Variants in NEGR1 observed in about 807,000 individuals in gnomAD.
NEGR1 encodes neuronal growth regulator 1, also known as IgLON family member 4.
A neutral mutation model predicts 40.9 loss-of-function variants in NEGR1; 10 were observed. The ratio of observed to expected loss-of-function variants is 0.24; its 90% CI spans 0.15 to 0.42. The LOEUF (loss-of-function observed/expected upper bound fraction) is 0.42, where lower values mean the gene tolerates loss of function less well. Among genes scored for constraint, NEGR1 ranks in the 10% least tolerant of loss-of-function variants. NEGR1 has a pLI of 1.00. For missense variants in NEGR1, 352 were observed against 438.9 expected (o/e 0.80, Z 1.77); for synonymous variants, 185 against 166.8 (o/e 1.11, Z -0.84).
At chr1:71,925,682 T>C (rs1035857598) in intron 2 of NEGR1, among the ~76,000 whole-genome samples, 6 of 152,060 alleles carry the variant, frequency 3.9e-5, no homozygotes, top group African/African-American at 1.4e-4. Context: ...AACAGTAAAT[T>C]CCTAATTGCC....
chr1:71,591,346 T>C (rs1649493067), intron 6 of NEGR1, among the ~76,000 whole-genome samples: 1 of 152,182 alleles, frequency 6.6e-6, no homozygotes. Context: ...TTTACACAAG[T>C]GGCATTTGTT....
intron 1 of NEGR1, among the ~76,000 whole-genome samples, chr1:72,044,331 A>T (rs1187866683): frequency 1.9e-5 from 2 of 107,638 alleles, no homozygotes; most frequent in Admixed American, 8.9e-5. Context: ...GGTCTAAGTT[A>T]AAAAAAAAAA....
At chr1:71,959,079 C>A (rs995121463) in intron 1 of NEGR1, among the ~76,000 whole-genome samples, 1 of 152,020 alleles carries the variant, frequency 6.6e-6, no homozygotes, top group Non-Finnish European at 1.5e-5. Context: ...TTTGTTTACA[C>A]CATTATAATC....
At chr1:72,003,444 G>T (rs916379375) in intron 1 of NEGR1, among the ~76,000 whole-genome samples, 3 of 151,794 alleles carry the variant, frequency 2.0e-5, no homozygotes, top group African/African-American at 7.3e-5. Context: ...TGGTGGAAAA[G>T]GAAAACACAA....
intron 1 of NEGR1, among the ~76,000 whole-genome samples, chr1:72,096,070 C>G (rs1648685525): frequency 6.6e-6 from 1 of 151,868 alleles, no homozygotes; most frequent in African/African-American, 2.4e-5. Context: ...GTTTGTAGTA[C>G]TTTTCTTCTC....
chr1:71,984,446 A>AT (rs1445475197), intron 1 of NEGR1, among the ~76,000 whole-genome samples: 12 of 151,994 alleles, frequency 7.9e-5, no homozygotes, highest in African/African-American at 2.9e-4. Flanking sequence ...TTTAATGTCC[A>AT]TTTTTCCACT....
chr1:71,878,580 A>C (rs532674129), intron 2 of NEGR1, among the ~76,000 whole-genome samples: 60 of 152,338 alleles, frequency 3.9e-4, no homozygotes, highest in African/African-American at 1.4e-3. Context: ...GTTTTAATTA[A>C]ATGTATTTGT....
chr1:71,652,273 CA>C (rs1303687003), intron 4 of NEGR1, among the ~76,000 whole-genome samples: 1 of 152,130 alleles, frequency 6.6e-6, no homozygotes, highest in Non-Finnish European at 1.5e-5. Context: ...TAATCTTTAT[CA>C]TTTTTTTACA....
intron 1 of NEGR1, among the ~76,000 whole-genome samples, chr1:72,241,543 A>G (rs1194265): frequency 0.44 from 67,012 of 151,284 alleles, 15,237 homozygotes; most frequent in Non-Finnish European, 0.48. Context: ...AAAGTATGCA[A>G]CAGAGTCCAC....
At chr1:71,923,953 G>C (rs527723059) in intron 2 of NEGR1, among the ~76,000 whole-genome samples, 123 of 151,352 alleles carry the variant, frequency 8.1e-4, no homozygotes, top group African/African-American at 2.9e-3. Flanking sequence ...CTGTCACCCA[G>C]GCTGGAGTGC....
At chr1:71,556,321 T>C (rs1180904849) in intron 6 of NEGR1, among the ~76,000 whole-genome samples, 2 of 151,534 alleles carry the variant, frequency 1.3e-5, no homozygotes, top group Admixed American at 6.6e-5. Context: ...GTTCATTAGC[T>C]AGTTAAGAGA....
At chr1:71,880,682 A>C (rs1303260091) in intron 2 of NEGR1, among the ~76,000 whole-genome samples, 4 of 152,046 alleles carry the variant, frequency 2.6e-5, no homozygotes, top group African/African-American at 9.7e-5. Context: ...CTTCCTACCA[A>C]GATAACCTAC....
chr1:71,472,264 A>C (rs1411221315), intron 6 of NEGR1, among the ~76,000 whole-genome samples: 1 of 152,164 alleles, frequency 6.6e-6, no homozygotes, highest in Admixed American at 6.6e-5. Flanking sequence ...AAATATGTCT[A>C]CTACAAAATT....
chr1:71,570,792 A>T (rs1185498347), intron 6 of NEGR1, among the ~76,000 whole-genome samples: 1 of 152,202 alleles, frequency 6.6e-6, no homozygotes. Context: ...GGAGAAAATT[A>T]ACATAAGTTT....
chr1:71,950,833 C>T (rs1001564426), intron 1 of NEGR1, among the ~76,000 whole-genome samples: 8 of 151,938 alleles, frequency 5.3e-5, no homozygotes, highest in Non-Finnish European at 1.0e-4. Flanking sequence ...ATTCCTGACT[C>T]GCTTCTGATG....
intron 2 of NEGR1, among the ~76,000 whole-genome samples, chr1:71,780,613 C>T (rs1023560299): frequency 6.6e-6 from 1 of 152,186 alleles, no homozygotes; most frequent in Non-Finnish European, 1.5e-5. Flanking sequence ...TTTAAAACCT[C>T]CATATCCATT....
chr1:71,805,779 T>C (rs72948032), intron 2 of NEGR1, among the ~76,000 whole-genome samples: 1,544 of 152,290 alleles, frequency 0.01, 23 homozygotes, highest in African/African-American at 0.035. Context: ...TTTATTTGAA[T>C]AGCAAATTTT....
intron 6 of NEGR1, among the ~76,000 whole-genome samples, chr1:71,589,052 A>G (rs1206013861): frequency 6.6e-6 from 1 of 152,100 alleles, no homozygotes; most frequent in African/African-American, 2.4e-5. Context: ...TTTAACCTTA[A>G]TCCACAGAAA....
intron 1 of NEGR1, among the ~76,000 whole-genome samples, chr1:72,051,858 C>T (rs993242667): frequency 2.6e-5 from 4 of 151,362 alleles, no homozygotes; most frequent in African/African-American, 9.7e-5. Context: ...GAATCACTGC[C>T]TTTTTAAGAA....
Sources: allele counts gnomAD v4.1 joint callset (sites outside exome capture counted in the v4.1 genomes callset), GRCh38; gene constraint gnomAD v4.1.1; transcripts MANE v1.5; gene names NCBI Gene and HGNC (gene_info 2026-07-23, HGNC 2026-07-21).